Variants in LETM1 observed in about 807,000 individuals in gnomAD.
LETM1 encodes leucine zipper and EF-hand containing transmembrane protein 1, also known as mitochondrial proton/calcium exchanger protein.
Under a neutral mutation model 74.5 loss-of-function variants are expected in LETM1, and 50 were observed. The ratio of observed to expected loss-of-function variants is 0.67; its 90% CI spans 0.53 to 0.85. The LOEUF (loss-of-function observed/expected upper bound fraction) is 0.85. LETM1 is among the 40% of genes least tolerant of loss of function. The pLI is 0.00. For synonymous variants in LETM1, 446 were observed against 407.1 expected, an observed-to-expected ratio of 1.10 and a Z score of -1.15; for missense variants, 824 against 967.8, an observed-to-expected ratio of 0.85 and a Z score of 1.97.
intron 1 of LETM1, among the ~76,000 whole-genome samples, chr4:1,849,503 G>C (rs1371329840): frequency 6.6e-6 from 1 of 152,092 alleles, no homozygotes; most frequent in Admixed American, 6.6e-5. Flanking sequence ...GCCGACCTCA[G>C]GTGATCCGCC....
chr4:1,817,399 T>C (rs1711607300), intron 11 of LETM1, among the ~76,000 whole-genome samples: 1 of 151,658 alleles, frequency 6.6e-6, no homozygotes, highest in African/African-American at 2.4e-5. Context: ...TCTACCAAAA[T>C]TCAAACAAAA....
At chr4:1,822,029 C>T in intron 10 of LETM1, 152 bp downstream of exon 10, 2 of 727,188 alleles carry the variant, frequency 2.8e-6, no homozygotes, top group Non-Finnish European at 3.9e-6. Context: ...CCTAGGGGCC[C>T]AGTGGCCTCA....
rs11946914 is a variant in LETM1 at position 1,847,217 on chromosome 4, T to C, written c.143+1932A>G. Among the ~76,000 whole-genome samples, 1,059 of 152,116 alleles carry C rather than the reference T, an allele frequency of 7.0e-3. 11 individuals carry two copies. Among genetic ancestry groups the C allele is most frequent in the African/African-American group, 0.024 (1,013 of 41,498 alleles). ...TTTAGCAAGGCATGTTGGTAATGCC[T>C]GTAGTCCCAGCTACTCAGGAGGCTA... On this transcript the variant is annotated intron_variant, in intron 2 of 13. Coordinates refer to ENST00000302787, the MANE Select transcript of LETM1 (RefSeq NM_012318.3).
Position 1,815,724 on chromosome 4 carries a change from GC to G in LETM1, c.2009del (p.Ser670ThrfsTer22). 6.2e-7 allele frequency: 1 copy of G among 1,614,244 alleles called. No homozygotes were observed. Among genetic ancestry groups the G allele is most frequent in the Non-Finnish European group, 8.5e-7 (1 of 1,180,038 alleles). On this transcript the variant is annotated frameshift_variant, in exon 13 of 14. Coordinates refer to ENST00000302787, the MANE Select transcript of LETM1 (RefSeq NM_012318.3). LOFTEE classifies it high-confidence loss of function. ...VKHIPESKLTSLAAALDENKD... is the reference protein window; with the variant it reads ...VKHIPESKLTXLAAALDENKD... ...TGTTTTCATCCAGTGCTGCGGCCAG[GC>G]TGGTGAGCTTGCTTTCGGGAATGTG... is the stretch of plus-strand genomic sequence containing the variant.
At chr4:1,838,595 T>C (rs770089467) in intron 3 of LETM1, among the ~76,000 whole-genome samples, 5 of 152,160 alleles carry the variant, frequency 3.3e-5, no homozygotes, top group Admixed American at 6.5e-5. Flanking sequence ...GAGGATCCCT[T>C]ATGCCCGGGA....
In LETM1 at chr4:1,834,830, G is replaced by A. The variant is rs2108847604; in HGVS notation, c.876+15C>T. 1 of 1,613,890 alleles carries A rather than the reference G, an allele frequency of 6.2e-7. No individual in the cohort carries two copies. The highest frequency in any genetic ancestry group is 1.1e-5 in the South Asian group (1 of 91,040). On this transcript the variant is annotated intron_variant, in intron 5 of 13. Transcript: ENST00000302787. The surrounding 1 kb of genome is among the most constrained non-coding windows in gnomAD (Gnocchi z 5.0). Reference sequence around the variant, plus strand: ...TCCCTGGTGAGGTCACAGGGACTCAGACGTATCACAGCACCTTCTGGAAAA... The same window carrying A: ...TCCCTGGTGAGGTCACAGGGACTCAAACGTATCACAGCACCTTCTGGAAAA...
In LETM1 at chr4:1,855,960, C is replaced by CGCG. The variant is rs1713228573; in HGVS notation, c.-13_-11dup. The CGCG allele has an allele frequency of 8.3e-7, 1 of 1,211,226 alleles. No individual in the cohort carries two copies. The highest frequency in any genetic ancestry group is 1.6e-5 in the African/African-American group (1 of 63,234). The allele number at this position is 1,211,226 out of a possible 1,614,324, so 75.0% of individuals were successfully genotyped here. On this transcript the variant is annotated 5_prime_UTR_variant, in exon 1 of 14. Transcript: ENST00000302787. The stretch of plus-strand genomic sequence containing the variant: ...GTAAGATGGACGCCATGTGCTCGGG[C>CGCG]GCGGCGGCCGCTCCGGCCTCCTGCG...
intron 6 of LETM1, among the ~76,000 whole-genome samples, chr4:1,830,977 C>T (rs1712249633): frequency 6.6e-6 from 1 of 152,192 alleles, no homozygotes; most frequent in Non-Finnish European, 1.5e-5. Context: ...CAGGACCAAG[C>T]TAACAAGGCC....
In LETM1 at chr4:1,834,527, C is replaced by G; in HGVS notation, c.876+318G>C. The G allele has an allele frequency of 8.9e-7, 1 of 1,121,434 alleles. No homozygotes were observed. The highest frequency in any genetic ancestry group is 1.1e-6 in the Non-Finnish European group (1 of 914,386). The allele number at this position is 1,121,434 out of a possible 1,614,324, so 69.5% of individuals were successfully genotyped here. A position where few individuals can be genotyped will look rare whatever the true frequency, so the allele number is the denominator to read the frequency against. On this transcript the variant is annotated intron_variant, in intron 5 of 13. Coordinates refer to ENST00000302787, the MANE Select transcript of LETM1 (RefSeq NM_012318.3). This position sits in a 1 kb window ranked among gnomAD's most constrained non-coding sequence, Gnocchi z 5.0. ...CAGCAGAGGAGCCCGGCCAAGCCACCCACACCTCACACCATCAGGGTCTCA... is the reference window on the plus strand; with the variant it reads ...CAGCAGAGGAGCCCGGCCAAGCCACGCACACCTCACACCATCAGGGTCTCA...
In LETM1 at chr4:1,855,421, A is replaced by T. The variant is rs538751498; in HGVS notation, c.82+448T>A. 2.0e-5 allele frequency among the ~76,000 whole-genome samples: 3 copies of T among 152,240 alleles called. No homozygotes were observed. The East Asian group carries it at 5.8e-4, about 29-fold the overall frequency. ...GGTTTGTAGGTGCTGGCATCACCTC[A>T]TCAGTGACGGACCAGGAAGGCTCCT... On this transcript the variant is annotated intron_variant, in intron 1 of 13. Coordinates refer to ENST00000302787, the MANE Select transcript of LETM1 (RefSeq NM_012318.3).
Position 1,834,574 on chromosome 4 carries a change from T to C in LETM1, c.876+271A>G. 1 of 1,250,420 alleles carries C rather than the reference T, an allele frequency of 8.0e-7. No homozygotes were observed. The highest frequency in any genetic ancestry group is 1.0e-6 in the Non-Finnish European group (1 of 990,646). 77.5% of individuals were successfully genotyped at this position (1,250,420 alleles called of 1,614,324 possible). ...CTCAGGCTCCTCATGGGTCAGATTC[T>C]ACTGCTCCTGGACAGCTGCAGGGTG... is the stretch of plus-strand genomic sequence containing the variant. On this transcript the variant is annotated intron_variant, in intron 5 of 13. Coordinates refer to ENST00000302787, the MANE Select transcript of LETM1 (RefSeq NM_012318.3). This position sits in a 1 kb window ranked among gnomAD's most constrained non-coding sequence, Gnocchi z 5.0.
intron 2 of LETM1, chr4:1,842,929 T>G (rs1177604423): frequency 7.3e-6 from 2 of 273,860 alleles, no homozygotes; most frequent in Non-Finnish European, 1.5e-5. Context: ...CCTCACGATC[T>G]CCTGCGTGTC....
intron 6 of LETM1, among the ~76,000 whole-genome samples, chr4:1,831,548 C>T (rs369855740): frequency 1.8e-4 from 28 of 152,252 alleles, no homozygotes; most frequent in Admixed American, 1.5e-3. Flanking sequence ...GGAAGTGTGG[C>T]GGATACACTG....
At chr4:1,849,059 C>T in intron 2 of LETM1, 90 bp downstream of exon 2, 1 of 839,368 alleles carries the variant, frequency 1.2e-6, no homozygotes, top group Non-Finnish European at 2.1e-6. Flanking sequence ...ACACTGTTTC[C>T]CTCAAAAATC....
At chr4:1,848,314 C>A (rs1206304604) in intron 2 of LETM1, among the ~76,000 whole-genome samples, 2 of 152,020 alleles carry the variant, frequency 1.3e-5, no homozygotes, top group Non-Finnish European at 2.9e-5. Context: ...TTTGGGAGGC[C>A]ATGGCGGGCG....
Position 1,855,943 on chromosome 4 carries a change from G to T in LETM1, c.8C>A (p.Ser3Tyr). Residue 3 changes from serine (S) to tyrosine (Y), a missense_variant, in exon 1 of 14, where the codon TCC becomes TAC. By Grantham distance (144) the Ser-to-Tyr change is moderately radical (BLOSUM62 -2). Around this residue, in one of 4 missense-constraint regions of LETM1, gnomAD observed 222 missense variants for 195.6 expected, o/e 1.14. Transcript: ENST00000302787. ...GCCGCGGCAGCTCCTCAGTAAGATG[G>T]ACGCCATGTGCTCGGGCGCGGCGGC... Reference protein sequence around the residue: MASILLRSCRGRA... With the variant: MAYILLRSCRGRA... 8.2e-7 allele frequency: 1 copy of T among 1,224,380 alleles called. No homozygotes were observed. The highest frequency in any genetic ancestry group is 1.0e-6 in the Non-Finnish European group (1 of 984,522). 75.8% of individuals were successfully genotyped at this position (1,224,380 alleles called of 1,614,324 possible).
chr4:1,817,290 C>T (rs970906566), intron 11 of LETM1, among the ~76,000 whole-genome samples: 2 of 146,956 alleles, frequency 1.4e-5, no homozygotes, highest in Non-Finnish European at 3.0e-5. Context: ...GGCACAGTGA[C>T]TCATGCCTGT....
rs145939138 is a variant in LETM1 at position 1,834,938 on chromosome 4, G to C, written c.783C>G (p.Ala261=). 1.2e-6 allele frequency: 2 copies of C among 1,614,148 alleles called. No individual in the cohort carries two copies. Among genetic ancestry groups the C allele is most frequent in the Admixed American group, 1.7e-5 (1 of 60,014 alleles). Residue 261 remains alanine (A), a synonymous_variant, in exon 5 of 14, where the codon GCC becomes GCG. Coordinates refer to ENST00000302787, the MANE Select transcript of LETM1 (RefSeq NM_012318.3). This position sits in a 1 kb window ranked among gnomAD's most constrained non-coding sequence, Gnocchi z 5.0. Reference sequence around the variant, plus strand: ...CCTCGATGGTGTCCTGGAGGAACTTGGCCAGCTCCAGCTTGACCCGAAGCT... The same window carrying C: ...CCTCGATGGTGTCCTGGAGGAACTTCGCCAGCTCCAGCTTGACCCGAAGCT... ...KKELRVKLEL[A]KFLQDTIEEM...
chr4:1,846,655 CA>C (rs1712892457), intron 2 of LETM1: 2 of 152,142 alleles, frequency 1.3e-5, no homozygotes, highest in Admixed American at 1.3e-4. Flanking sequence ...ACAGACAGAA[CA>C]AAGATTACTT....
Sources: allele counts gnomAD v4.1 joint callset (sites outside exome capture counted in the v4.1 genomes callset), GRCh38; gene constraint gnomAD v4.1.1; regional missense constraint gnomAD v4.1.1; non-coding constraint Gnocchi (gnomAD v3.1); transcripts MANE v1.5; gene names NCBI Gene and HGNC (gene_info 2026-07-23, HGNC 2026-07-21).